TEC: variants seen among roughly 807,000 people sequenced by gnomAD.
TEC encodes tec protein tyrosine kinase, also known as tyrosine-protein kinase Tec.
A neutral mutation model predicts 93.0 loss-of-function variants in TEC; 72 were observed. The ratio of observed to expected loss-of-function variants is 0.77; its 90% CI spans 0.64 to 0.94. TEC has a LOEUF of 0.94. TEC is among the 40% of genes least tolerant of loss of function. TEC has a pLI of 0.00. For missense variants in TEC, 630 were observed against 757.9 expected (o/e 0.83, Z 1.98); for synonymous variants, 249 against 247.7 (o/e 1.01, Z -0.05).
At chr4:48,259,682 C>T (rs1392134469) in intron 1 of TEC, among the ~76,000 whole-genome samples, 1 of 148,950 alleles carries the variant, frequency 6.7e-6, no homozygotes, top group Non-Finnish European at 1.5e-5. Flanking sequence ...TGCCACTGTA[C>T]TCCAGCCAGG....
rs899738090 is a variant in TEC at position 48,209,938 on chromosome 4, G to A, written c.138+18539C>T. Among the ~76,000 whole-genome samples the A allele has an allele frequency of 1.7e-4, 26 of 152,326 alleles. No individual in the cohort carries two copies. The East Asian group carries it at 5.0e-3, about 29-fold the overall frequency. ...TTCACTGTCAGAGTTTGCAGAAATT[G>A]TCAGATATTAGAACAAATGAAATGT... On this transcript the variant is annotated intron_variant, in intron 2 of 17. Transcript: ENST00000381501.
chr4:48,249,834 C>T (rs897753512), intron 1 of TEC, among the ~76,000 whole-genome samples: 1 of 152,202 alleles, frequency 6.6e-6, no homozygotes, highest in African/African-American at 2.4e-5. Context: ...CAGTTCACAG[C>T]ACAAATTATA....
At chr4:48,148,697 G>T (rs911923551) in intron 11 of TEC, among the ~76,000 whole-genome samples, 3 of 152,164 alleles carry the variant, frequency 2.0e-5, no homozygotes, top group Admixed American at 2.0e-4. Context: ...TTTAAGTTCA[G>T]GGTTACAAGT....
intron 1 of TEC, among the ~76,000 whole-genome samples, chr4:48,238,593 A>C (rs1723844673): frequency 6.6e-6 from 1 of 151,930 alleles, no homozygotes; most frequent in South Asian, 2.1e-4. Context: ...TGAACCTAGA[A>C]ACAGACTGAG....
At chr4:48,200,897 A>G (rs1397213815) in intron 2 of TEC, among the ~76,000 whole-genome samples, 3 of 152,234 alleles carry the variant, frequency 2.0e-5, no homozygotes, top group Non-Finnish European at 4.4e-5. Flanking sequence ...CCACCATAGC[A>G]GTTCTAGACA....
chr4:48,206,922 G>A (rs1722737299), intron 2 of TEC, among the ~76,000 whole-genome samples: 1 of 152,052 alleles, frequency 6.6e-6, no homozygotes, highest in Non-Finnish European at 1.5e-5. Flanking sequence ...TCACACCACT[G>A]CTCTCCAACC....
intron 15 of TEC, among the ~76,000 whole-genome samples, chr4:48,140,267 C>T (rs1419103144): frequency 6.6e-6 from 1 of 152,220 alleles, no homozygotes; most frequent in East Asian, 1.9e-4. Context: ...GCTACCCTGG[C>T]GCTTTTTCCG....
At chr4:48,180,540 G>T (rs1721542085) in intron 2 of TEC, among the ~76,000 whole-genome samples, 1 of 152,204 alleles carries the variant, frequency 6.6e-6, no homozygotes, top group African/African-American at 2.4e-5. Flanking sequence ...GAAGATTCAG[G>T]AAGGAAGTGA....
At chr4:48,238,002 T>C (rs535738084) in intron 1 of TEC, among the ~76,000 whole-genome samples, 1 of 152,368 alleles carries the variant, frequency 6.6e-6, no homozygotes, top group Non-Finnish European at 1.5e-5. Context: ...GTAGCTATTA[T>C]ATAAGAATAA....
At chr4:48,186,790 G>A (rs1454228924) in intron 2 of TEC, among the ~76,000 whole-genome samples, 2 of 150,330 alleles carry the variant, frequency 1.3e-5, no homozygotes, top group Non-Finnish European at 3.0e-5. Flanking sequence ...CGCCCTGCCA[G>A]CCGCCCCATC....
chr4:48,242,592 A>G (rs1344965061), intron 1 of TEC, among the ~76,000 whole-genome samples: 1 of 152,242 alleles, frequency 6.6e-6, no homozygotes, highest in Non-Finnish European at 1.5e-5. Context: ...TGCATCTTAA[A>G]TTAGCAAAGT....
intron 1 of TEC, among the ~76,000 whole-genome samples, chr4:48,258,365 C>T (rs1407568619): frequency 3.3e-5 from 5 of 152,102 alleles, no homozygotes; most frequent in African/African-American, 1.2e-4. Context: ...TGGTCTCAAA[C>T]TCCTCAACCT....
chr4:48,216,797 T>C (rs1382010249), intron 2 of TEC, among the ~76,000 whole-genome samples: 2 of 152,212 alleles, frequency 1.3e-5, no homozygotes, highest in Admixed American at 6.5e-5. Context: ...TTAAATTAAG[T>C]AATACCATTT....
intron 8 of TEC, among the ~76,000 whole-genome samples, chr4:48,162,442 A>T (rs1457928763): frequency 6.6e-6 from 1 of 152,222 alleles, no homozygotes; most frequent in Non-Finnish European, 1.5e-5. Flanking sequence ...TATTTAGATA[A>T]GGATTATCTG....
chr4:48,238,690 G>A (rs1723851516), intron 1 of TEC, among the ~76,000 whole-genome samples: 1 of 148,854 alleles, frequency 6.7e-6, no homozygotes, highest in Non-Finnish European at 1.5e-5. Flanking sequence ...TTATATATAT[G>A]TATATAAATT....
chr4:48,232,724 A>C (rs1453732973), intron 1 of TEC, among the ~76,000 whole-genome samples: 2 of 152,246 alleles, frequency 1.3e-5, no homozygotes, highest in Non-Finnish European at 2.9e-5. Context: ...GTTGTTGTTA[A>C]GGAACTGACT....
intron 9 of TEC, among the ~76,000 whole-genome samples, chr4:48,153,747 G>A (rs1040325315): frequency 1.4e-4 from 22 of 152,244 alleles, no homozygotes; most frequent in Admixed American, 1.2e-3. Flanking sequence ...GTGGGTGATG[G>A]TATTTCCCTA....
intron 1 of TEC, among the ~76,000 whole-genome samples, chr4:48,235,029 G>A (rs1413935738): frequency 2.0e-5 from 3 of 151,168 alleles, no homozygotes; most frequent in Non-Finnish European, 2.9e-5. Flanking sequence ...GGCCAGGGCA[G>A]AACCATGGAT....
At chr4:48,225,317 G>A (rs1011946753) in intron 2 of TEC, among the ~76,000 whole-genome samples, 18 of 152,084 alleles carry the variant, frequency 1.2e-4, no homozygotes, top group Non-Finnish European at 2.5e-4. Context: ...TGGGATTACA[G>A]GCACCTGCCA....
Sources: allele counts gnomAD v4.1 joint callset (sites outside exome capture counted in the v4.1 genomes callset), GRCh38; gene constraint gnomAD v4.1.1; transcripts MANE v1.5; gene names NCBI Gene and HGNC (gene_info 2026-07-23, HGNC 2026-07-21).